NRG1: variants seen among roughly 807,000 people sequenced by gnomAD.
The protein encoded by NRG1 is neuregulin 1, also known as pro-neuregulin-1, membrane-bound isoform.
A neutral mutation model predicts 63.8 loss-of-function variants in NRG1; 18 were observed. The ratio of observed to expected loss-of-function variants is 0.28; its 90% CI spans 0.19 to 0.42. NRG1 has a LOEUF of 0.42. Among genes scored for constraint, NRG1 ranks in the 10% least tolerant of loss-of-function variants. NRG1 has a pLI of 1.00. For synonymous variants in NRG1, 302 were observed against 301.3 expected (o/e 1.00, Z -0.02); for missense variants, 762 against 814.7 (o/e 0.94, Z 0.79).
At chr8:31,879,672 C>T (rs759607381) in intron 1 of NRG1, among the ~76,000 whole-genome samples, 1 of 152,016 alleles carries the variant, frequency 6.6e-6, no homozygotes, top group South Asian at 2.1e-4. Context: ...AAGCTCAGTA[C>T]CTGGTAGTTA....
In NRG1 at chr8:32,083,368, A is replaced by G. The variant is rs115884919; in HGVS notation, c.37+443937A>G. Among the ~76,000 whole-genome samples the G allele has an allele frequency of 4.2e-3, 642 of 152,312 alleles. 3 individuals are homozygous for G. Among genetic ancestry groups the G allele is most frequent in the African/African-American group, 0.015 (611 of 41,568 alleles). ...GCCTTGCAACTCTACTTCGGTTACA[A>G]ATTTAAAGGCCAAAGAGTTAGAGAT... On this transcript the variant is annotated intron_variant, in intron 1 of 10. Coordinates refer to the NRG1 transcript ENST00000519301.
chr8:32,716,793 C>T (rs999737585), intron 5 of NRG1, among the ~76,000 whole-genome samples: 7 of 140,528 alleles, frequency 5.0e-5, no homozygotes, highest in African/African-American at 1.6e-4. Flanking sequence ...TGTGTGCGTG[C>T]GTGTGTGCAT....
At chr8:32,301,304 T>C (rs111685519) in intron 1 of NRG1, among the ~76,000 whole-genome samples, 16 of 152,290 alleles carry the variant, frequency 1.1e-4, no homozygotes, top group Non-Finnish European at 2.4e-4. Flanking sequence ...CAATCTCTGA[T>C]TCAGGAAATT....
intron 1 of NRG1, among the ~76,000 whole-genome samples, chr8:31,991,501 G>T (rs1199182383): frequency 6.6e-6 from 1 of 151,926 alleles, no homozygotes; most frequent in East Asian, 1.9e-4. Context: ...CTTCACAGAT[G>T]TTATCCTAAT....
intron 1 of NRG1, among the ~76,000 whole-genome samples, chr8:31,783,975 G>GT (rs1336057367): frequency 1.1e-4 from 16 of 152,084 alleles, no homozygotes; most frequent in Admixed American, 4.6e-4. Context: ...GGTACTATAA[G>GT]TTTTTTTGTT....
chr8:31,740,684 T>A (rs868739586), intron 1 of NRG1, among the ~76,000 whole-genome samples: 52 of 148,758 alleles, frequency 3.5e-4, no homozygotes, highest in South Asian at 6.5e-4. Flanking sequence ...TGTGTGTGTG[T>A]GAGAGAGAGA....
In NRG1 at chr8:31,850,472, C is replaced by T. The variant is rs574319442; in HGVS notation, c.37+211041C>T. ...CATGGCAACTGAAAAACAAGAGGAACTTTGTTACATAAAAAATTGAACCAG... is the reference window on the plus strand; with the variant it reads ...CATGGCAACTGAAAAACAAGAGGAATTTTGTTACATAAAAAATTGAACCAG... On this transcript the variant is annotated intron_variant, in intron 1 of 10. Transcript: ENST00000519301. Among the ~76,000 whole-genome samples the T allele has an allele frequency of 1.8e-3, 274 of 152,280 alleles. 2 individuals are homozygous for T. Among genetic ancestry groups the T allele is most frequent in the Non-Finnish European group, 1.8e-3 (121 of 68,026 alleles).
chr8:31,764,742 A>AT (rs528773197), intron 1 of NRG1, among the ~76,000 whole-genome samples: 45 of 151,510 alleles, frequency 3.0e-4, no homozygotes, highest in Admixed American at 9.9e-4. Context: ...ATCTTCTTTG[A>AT]TTTTTTTTTA....
At chr8:32,493,643 A>G (rs139305041) in intron 1 of NRG1, among the ~76,000 whole-genome samples, 2,617 of 152,330 alleles carry the variant, frequency 0.017, 38 homozygotes, top group Non-Finnish European at 0.028. Flanking sequence ...AATTTGGTAC[A>G]TTAAAGGAGA....
chr8:32,528,633 A>G (rs1047474242), intron 1 of NRG1, among the ~76,000 whole-genome samples: 2 of 152,178 alleles, frequency 1.3e-5, no homozygotes, highest in Admixed American at 6.5e-5. Context: ...GACTGCTTAG[A>G]GTAGATAATA....
intron 1 of NRG1, among the ~76,000 whole-genome samples, chr8:32,035,449 A>C (rs964803604): frequency 6.6e-6 from 1 of 152,050 alleles, no homozygotes; most frequent in African/African-American, 2.4e-5. Flanking sequence ...ATCGATATCT[A>C]TCAAGTCCAC....
chr8:31,731,908 C>G (rs1814111510), intron 1 of NRG1, among the ~76,000 whole-genome samples: 2 of 152,162 alleles, frequency 1.3e-5, no homozygotes, highest in African/African-American at 4.8e-5. Flanking sequence ...TTGTCTTACT[C>G]TGGGATGATG....
chr8:31,854,880 A>C (rs572024954), intron 1 of NRG1, among the ~76,000 whole-genome samples: 5 of 152,260 alleles, frequency 3.3e-5, no homozygotes, highest in Admixed American at 6.5e-5. Context: ...CCCAGTAGTC[A>C]TTCAGGAGCA....
At chr8:31,958,414 T>G (rs1804841601) in intron 1 of NRG1, among the ~76,000 whole-genome samples, 1 of 152,204 alleles carries the variant, frequency 6.6e-6, no homozygotes, top group South Asian at 2.1e-4. Context: ...TGCCTTATCA[T>G]GATAGGACAA....
chr8:32,728,508 A>G, intron 6 of NRG1: 2 of 985,426 alleles, frequency 2.0e-6, no homozygotes, highest in Non-Finnish European at 2.4e-6. Flanking sequence ...GACAACAAAG[A>G]GAAGCAGAAG....
chr8:32,158,448 G>GATAGATATATATATATATAT (rs1491221971), intron 1 of NRG1, among the ~76,000 whole-genome samples: 15 of 62,190 alleles, frequency 2.4e-4, no homozygotes, highest in South Asian at 7.1e-4. Context: ...TGGTTTACAT[G>GATAGATATATATATATATAT]ATATATATAT....
At chr8:32,223,791 G>A (rs1022138987) in intron 1 of NRG1, among the ~76,000 whole-genome samples, 2 of 152,124 alleles carry the variant, frequency 1.3e-5, no homozygotes, top group Non-Finnish European at 2.9e-5. Context: ...AGAAGGGAAG[G>A]GAGGCCCGTA....
At chr8:32,151,494 G>A (rs1233601586) in intron 1 of NRG1, among the ~76,000 whole-genome samples, 1 of 152,158 alleles carries the variant, frequency 6.6e-6, no homozygotes, top group Non-Finnish European at 1.5e-5. Context: ...GTGAGGTGGG[G>A]TTAGGTGTAG....
chr8:31,708,734 C>A (rs1259682312), intron 1 of NRG1, among the ~76,000 whole-genome samples: 1 of 152,096 alleles, frequency 6.6e-6, no homozygotes, highest in Admixed American at 6.5e-5. Flanking sequence ...CGTGAGCCAC[C>A]GCGCCCGGCC....
Sources: allele counts gnomAD v4.1 joint callset (sites outside exome capture counted in the v4.1 genomes callset), GRCh38; gene constraint gnomAD v4.1.1; transcripts MANE v1.5; gene names NCBI Gene and HGNC (gene_info 2026-07-23, HGNC 2026-07-21).